The following LAMB4 variants were observed in gnomAD, a reference collection of about 807,000 sequenced individuals.
LAMB4 encodes laminin subunit beta 4.
LAMB4 carries 196 observed loss-of-function variants against 199.2 expected under a neutral mutation model. The observed-to-expected ratio is 0.98, with a 90% CI of 0.88 to 1.11. The LOEUF (loss-of-function observed/expected upper bound fraction) is 1.11, where lower values mean the gene tolerates loss of function less well. LAMB4 is among the 50% of genes least tolerant of loss of function. The pLI is 0.00. For missense variants in LAMB4, 2,080 were observed against 2,171.2 expected, an observed-to-expected ratio of 0.96 and a Z score of 0.83; for synonymous variants, 744 against 770.6, an observed-to-expected ratio of 0.97 and a Z score of 0.57.
chr7:108,129,041 A>C (rs569104207), intron 1 of LAMB4, among the ~76,000 whole-genome samples: 4 of 152,232 alleles, frequency 2.6e-5, no homozygotes, highest in Non-Finnish European at 4.4e-5. Context: ...ATTAGACTGA[A>C]AGTAACTTTC....
intron 28 of LAMB4, among the ~76,000 whole-genome samples, chr7:108,044,955 C>CAAAAAAAAAAAAAAAAAAAAAAA (rs756256335): frequency 7.1e-5 from 4 of 56,542 alleles, no homozygotes; most frequent in Non-Finnish European, 1.0e-4. Context: ...ATTCTTGTCT[C>CAAAAAAAAAAAAAAAAAAAAAAA]AAAAAAAAAA....
At chr7:108,115,460 G>A (rs2038372169) in intron 3 of LAMB4, among the ~76,000 whole-genome samples, 1 of 152,182 alleles carries the variant, frequency 6.6e-6, no homozygotes, top group South Asian at 2.1e-4. Flanking sequence ...CTTGAGGCAA[G>A]GAGTTCGAGA....
chr7:108,012,245 T>C, the LAMB4 span, among the ~76,000 whole-genome samples: 3 of 152,056 alleles, frequency 2.0e-5, no homozygotes, highest in African/African-American at 2.4e-5. Context: ...TCTATTTCTA[T>C]AAACAAAATA....
intron 22 of LAMB4, among the ~76,000 whole-genome samples, chr7:108,063,465 G>A (rs1003107314): frequency 1.2e-4 from 18 of 152,226 alleles, no homozygotes; most frequent in South Asian, 4.2e-4. Context: ...GGTGAACTGC[G>A]GACTAAACTC....
In LAMB4 at chr7:108,109,176, A is replaced by T; in HGVS notation, c.397T>A (p.Phe133Ile). 6.2e-7 allele frequency: 1 copy of T among 1,606,766 alleles called. No homozygotes were observed. The highest frequency in any genetic ancestry group is 8.5e-7 in the Non-Finnish European group (1 of 1,173,434). Reference protein sequence around the residue: ...LFRFSHLILTFKTFRPAAMLV... With the variant: ...LFRFSHLILTIKTFRPAAMLV... ...GCAGGCCTATTAGTCTGTACCTTAA[A>T]GGTCAGGATAAGGTGGCTGAACCGA... The change falls in exon 5 of 34, where the codon TTT (phenylalanine) becomes ATT (isoleucine). Residue 133 changes from phenylalanine to isoleucine, a missense_variant. Coordinates refer to ENST00000388781, the MANE Select transcript of LAMB4 (RefSeq NM_007356.3).
chr7:108,038,732 T>C (rs1460686426), intron 29 of LAMB4, among the ~76,000 whole-genome samples: 1 of 152,196 alleles, frequency 6.6e-6, no homozygotes, highest in Non-Finnish European at 1.5e-5. Context: ...CTCAAGACAA[T>C]TCTTCTTCCA....
intron 28 of LAMB4, among the ~76,000 whole-genome samples, chr7:108,047,671 G>A (rs573742654): frequency 1.3e-5 from 2 of 152,054 alleles, no homozygotes; most frequent in Non-Finnish European, 2.9e-5. Flanking sequence ...TAACCCCTAT[G>A]TTGTTCAAGG....
At chr7:108,078,466 G>C (rs1156940841) in intron 15 of LAMB4, 150 bp from the exon 16 acceptor site, 7 of 589,324 alleles carry the variant, frequency 1.2e-5, no homozygotes, top group Non-Finnish European at 1.8e-5. Flanking sequence ...AAGAGTCTTA[G>C]AGGTTCACTC....
chr7:108,036,604 T>C lies in LAMB4; in HGVS notation c.4679+784A>G, dbSNP rs564247560. On this transcript the variant is annotated intron_variant, in intron 30 of 33. Coordinates refer to ENST00000388781, the MANE Select transcript of LAMB4 (RefSeq NM_007356.3). ...GCACTTCGTTTATACACGTGGATGA[T>C]GAGACAGTGACAATGGCTCAGATCT... Among the ~76,000 whole-genome samples, 6 of 152,282 alleles carry C rather than the reference T, an allele frequency of 3.9e-5. No homozygotes were observed. The South Asian group carries it at 1.2e-3, about 32-fold the overall frequency.
chr7:108,123,101 A>G (rs747019559), intron 2 of LAMB4, 30 bp downstream of exon 2: 3 of 1,589,484 alleles, frequency 1.9e-6, no homozygotes, highest in Non-Finnish European at 2.6e-6. Context: ...CAGCGCAAGC[A>G]GTAAATAGAT....
chr7:108,055,135 A>G (rs1222197259), intron 25 of LAMB4, among the ~76,000 whole-genome samples: 2 of 151,732 alleles, frequency 1.3e-5, no homozygotes, highest in African/African-American at 4.8e-5. Context: ...TGGAAAAATC[A>G]CATATAATCC....
At chr7:108,042,624 TACTG>T (rs1455613916) in intron 29 of LAMB4, among the ~76,000 whole-genome samples, 1 of 152,184 alleles carries the variant, frequency 6.6e-6, no homozygotes, top group Non-Finnish European at 1.5e-5. Flanking sequence ...CATTCGTTTT[TACTG>T]ACTATTTTTG....
chr7:108,111,493 C>A (rs2038221906), intron 4 of LAMB4, among the ~76,000 whole-genome samples: 1 of 152,170 alleles, frequency 6.6e-6, no homozygotes, highest in South Asian at 2.1e-4. Flanking sequence ...GCTTAATTTA[C>A]CAACACTTCA....
rs372142750 is a variant in LAMB4, at chr7:108,091,636, A to G, written c.1691T>C (p.Leu564Pro). Residue 564 changes from leucine (L) to proline (P), a missense_variant, in exon 14 of 34, where the codon CTG becomes CCG. Physicochemically the swap from Leu to Pro is moderately conservative, Grantham distance 98. Transcript: ENST00000388781. ...AAATGAAATACGAACCAAAGGCGCC[A>G]GTCCTTGGAGTGTTGTGGCTTCCTC... is the stretch of plus-strand genomic sequence containing the variant. The part of the protein sequence containing the change: ...EAEEATTLQG[L>P]APLGSETFGQ... 1.9e-6 allele frequency: 3 copies of G among 1,612,962 alleles called. No individual in the cohort carries two copies. The highest frequency in any genetic ancestry group is 1.7e-5 in the Admixed American group (1 of 59,694).
chr7:108,047,746 T>C (rs1207384107), intron 28 of LAMB4, among the ~76,000 whole-genome samples, 162 bp downstream of exon 28: 3 of 152,198 alleles, frequency 2.0e-5, no homozygotes, highest in Non-Finnish European at 4.4e-5. Context: ...TAAATCTACA[T>C]TCATATCATC....
chr7:108,014,376 GTAGCCACGATTAATTTTTGT>G, the LAMB4 span, among the ~76,000 whole-genome samples: 2 of 152,202 alleles, frequency 1.3e-5, no homozygotes, highest in Admixed American at 1.3e-4. Flanking sequence ...CAATGTTACA[GTAGCCACGATTAATTTTTGT>G]TAGCCACTTC....
chr7:108,060,856 A>G (rs2036135780), intron 23 of LAMB4, among the ~76,000 whole-genome samples: 1 of 152,246 alleles, frequency 6.6e-6, no homozygotes, highest in Admixed American at 6.5e-5. Context: ...TCGAGGAGGA[A>G]GAGCATAGCT....
chr7:108,124,613 A>G (rs1295548605), intron 1 of LAMB4, among the ~76,000 whole-genome samples: 3 of 152,100 alleles, frequency 2.0e-5, no homozygotes, highest in African/African-American at 7.2e-5. Context: ...TGCTAACATG[A>G]GCCCTTACCA....
At chr7:108,129,694 C>A (rs75356447) in intron 1 of LAMB4, among the ~76,000 whole-genome samples, 1 of 151,982 alleles carries the variant, frequency 6.6e-6, no homozygotes, top group African/African-American at 2.4e-5. Flanking sequence ...TGTGCCACTA[C>A]GGCTGTATAG....
Sources: allele counts gnomAD v4.1 joint callset (sites outside exome capture counted in the v4.1 genomes callset), GRCh38; gene constraint gnomAD v4.1.1; transcripts MANE v1.5; gene names NCBI Gene and HGNC (gene_info 2026-07-23, HGNC 2026-07-21).